Variants in PDE4D observed in about 807,000 individuals in gnomAD.
PDE4D encodes 3',5'-cyclic-AMP phosphodiesterase 4D.
A neutral mutation model predicts 87.4 loss-of-function variants in PDE4D; 24 were observed. The observed-to-expected ratio is 0.27, with a 90% CI of 0.20 to 0.39. The LOEUF (loss-of-function observed/expected upper bound fraction) is 0.39. PDE4D is among the 10% of genes least tolerant of loss of function. The probability of loss-of-function intolerance (pLI) is 1.00; values close to 1 mark genes in which losing one functional copy is unlikely to be tolerated. For synonymous variants in PDE4D, 384 were observed against 383.2 expected (o/e 1.00, Z -0.02); for missense variants, 714 against 1,041.0 (o/e 0.69, Z 4.32).
At chr5:59,793,171 A>G (rs543093550) in intron 1 of PDE4D, among the ~76,000 whole-genome samples, 1 of 152,258 alleles carries the variant, frequency 6.6e-6, no homozygotes, top group South Asian at 2.1e-4. Context: ...GGAGCAACAC[A>G]CTCAGAGGCA....
At chr5:59,615,982 A>C (rs111736083) in intron 1 of PDE4D, among the ~76,000 whole-genome samples, 2,068 of 151,312 alleles carry the variant, frequency 0.014, 34 homozygotes, top group East Asian at 0.042. Flanking sequence ...TTTTTTTTCA[A>C]TTATACTTTA....
intron 1 of PDE4D, among the ~76,000 whole-genome samples, chr5:59,365,451 G>T (rs986927307): frequency 3.3e-5 from 5 of 152,190 alleles, no homozygotes; most frequent in Non-Finnish European, 7.3e-5. Flanking sequence ...GGCTGACAGA[G>T]TAAGACCCTA....
In PDE4D at chr5:59,767,237, CAACT is replaced by C. The variant is rs199758062; in HGVS notation, c.455+125927_455+125930del. ...AAAATTATTTAGTCATACAGTTTCTCAACTAACACACTCATTCTTTTTTGTTATG... is the reference window on the plus strand; with the variant it reads ...AAAATTATTTAGTCATACAGTTTCTCAACACACTCATTCTTTTTTGTTATG... On this transcript the variant is annotated intron_variant, in intron 1 of 14. Coordinates refer to ENST00000340635, the MANE Select transcript of PDE4D (RefSeq NM_001104631.2). Among the ~76,000 whole-genome samples, 913 of 152,146 alleles carry C rather than the reference CAACT, an allele frequency of 6.0e-3. 7 individuals carry two copies. Among genetic ancestry groups the C allele is most frequent in the African/African-American group, 0.021 (851 of 41,492 alleles).
intron 2 of PDE4D, among the ~76,000 whole-genome samples, chr5:60,044,888 C>G (rs905050465): frequency 9.2e-4 from 140 of 152,118 alleles, no homozygotes; most frequent in South Asian, 6.2e-3. Flanking sequence ...CCAGTAATGG[C>G]ATGGCTGGGT....
chr5:60,350,313 A>G (rs1306508519), intron 1 of PDE4D, among the ~76,000 whole-genome samples: 1 of 152,112 alleles, frequency 6.6e-6, no homozygotes, highest in East Asian at 1.9e-4. Context: ...CATACTGGAC[A>G]AGCCTTCAGG....
chr5:59,848,005 G>A (rs1349125054), intron 1 of PDE4D, among the ~76,000 whole-genome samples: 1 of 152,072 alleles, frequency 6.6e-6, no homozygotes, highest in East Asian at 1.9e-4. Context: ...TGATTACAAT[G>A]GGATATTTCT....
chr5:59,200,676 C>T (rs779324396), intron 2 of PDE4D, among the ~76,000 whole-genome samples: 1 of 94,792 alleles, frequency 1.1e-5, no homozygotes, highest in Non-Finnish European at 2.3e-5. Flanking sequence ...TGTATAGATA[C>T]ACGTATACAT....
chr5:60,285,346 G>A (rs1169541565), intron 1 of PDE4D, among the ~76,000 whole-genome samples: 1 of 152,048 alleles, frequency 6.6e-6, no homozygotes, highest in Non-Finnish European at 1.5e-5. Context: ...AGACTTTAGA[G>A]AGGACATAGT....
intron 2 of PDE4D, among the ~76,000 whole-genome samples, chr5:60,029,754 C>T (rs530849910): frequency 5.4e-4 from 82 of 152,188 alleles, no homozygotes; most frequent in African/African-American, 1.4e-3. Flanking sequence ...TTTGTTCTTC[C>T]ATAGCATCAG....
intron 1 of PDE4D, among the ~76,000 whole-genome samples, chr5:59,329,957 A>C (rs750402568): frequency 7.9e-5 from 12 of 152,230 alleles, no homozygotes; most frequent in Non-Finnish European, 1.5e-5. Context: ...CAAAGTCAAA[A>C]AGTAATTTAC....
chr5:59,089,607 A>G (rs566404848), intron 5 of PDE4D, among the ~76,000 whole-genome samples: 37 of 152,304 alleles, frequency 2.4e-4, no homozygotes, highest in African/African-American at 8.7e-4. Flanking sequence ...CCAGCTAGTT[A>G]GCATGGACCA....
chr5:60,224,231 G>A (rs1583132569), intron 1 of PDE4D, among the ~76,000 whole-genome samples: 1 of 152,056 alleles, frequency 6.6e-6, no homozygotes, highest in African/African-American at 2.4e-5. Context: ...GAGTCAGTTT[G>A]TGAGTTCTTC....
At chr5:60,120,479 T>C (rs1372091447) in intron 2 of PDE4D, among the ~76,000 whole-genome samples, 2 of 152,212 alleles carry the variant, frequency 1.3e-5, no homozygotes, top group Middle Eastern at 3.4e-3. Context: ...GTGGGTGATC[T>C]GCAGAGTCAG....
At chr5:59,031,362 G>GATAT (rs137969980) in intron 6 of PDE4D, among the ~76,000 whole-genome samples, 141 of 111,836 alleles carry the variant, frequency 1.3e-3, no homozygotes, top group Non-Finnish European at 1.7e-3. Flanking sequence ...AAGAAAATGT[G>GATAT]ATATATATAT....
chr5:60,238,797 T>C (rs1025937711), intron 1 of PDE4D, among the ~76,000 whole-genome samples: 1 of 152,054 alleles, frequency 6.6e-6, no homozygotes, highest in Non-Finnish European at 1.5e-5. Context: ...TGAAGTTTTT[T>C]AAAAATGTTG....
At chr5:59,181,212 T>C (rs1741459548) in intron 4 of PDE4D, among the ~76,000 whole-genome samples, 1 of 152,088 alleles carries the variant, frequency 6.6e-6, no homozygotes, top group African/African-American at 2.4e-5. Flanking sequence ...CTATAGAAGC[T>C]TTAGAAATAC....
intron 2 of PDE4D, among the ~76,000 whole-genome samples, chr5:59,204,604 A>C (rs563771458): frequency 6.6e-6 from 1 of 152,328 alleles, no homozygotes; most frequent in Admixed American, 6.5e-5. Context: ...TGATGTCCCA[A>C]ATTATCACCA....
rs1301880433 is a variant in PDE4D at position 60,108,284 on chromosome 5, T to C, written c.42+77273A>G. ...ATTGCTTCAAAGAGAATAAAATACC[T>C]AGGAATCCAACTTACAAGGGATGTG... is the stretch of plus-strand genomic sequence containing the variant. On this transcript the variant is annotated intron_variant, in intron 2 of 16. Coordinates refer to the PDE4D transcript ENST00000502484. 9.9e-5 allele frequency among the ~76,000 whole-genome samples: 15 copies of C among 151,408 alleles called. 1 individual carries two copies. The highest frequency in any genetic ancestry group is 9.9e-4 in the Admixed American group (15 of 15,192).
chr5:59,383,726 A>G (rs1786383516), intron 1 of PDE4D, among the ~76,000 whole-genome samples: 1 of 152,298 alleles, frequency 6.6e-6, no homozygotes, highest in East Asian at 1.9e-4. Flanking sequence ...CCAAATATAA[A>G]AATATAAATT....
Sources: allele counts gnomAD v4.1 joint callset (sites outside exome capture counted in the v4.1 genomes callset), GRCh38; gene constraint gnomAD v4.1.1; transcripts MANE v1.5; gene names NCBI Gene and HGNC (gene_info 2026-07-23, HGNC 2026-07-21).